SEMA6A: variants seen among roughly 807,000 people sequenced by gnomAD.
The protein encoded by SEMA6A is semaphorin 6A.
A neutral mutation model predicts 96.8 loss-of-function variants in SEMA6A; 25 were observed. That is an observed-to-expected ratio of 0.26 (90% CI 0.19 to 0.36). SEMA6A has a LOEUF of 0.36. SEMA6A is among the 10% of genes least tolerant of loss of function. The pLI, the probability that SEMA6A is intolerant of heterozygous loss-of-function variation, is 1.00. For missense variants in SEMA6A, 1,363 were observed against 1,323.1 expected (o/e 1.03, Z -0.47); for synonymous variants, 612 against 518.0 (o/e 1.18, Z -2.46).
At position 116,527,760 on chromosome 5, in the gene SEMA6A, CAGTT is replaced by C. The variant is rs375455841; in HGVS notation, c.-38-22782_-38-22779del. Among the ~76,000 whole-genome samples the C allele has an allele frequency of 4.2e-3, 639 of 152,226 alleles. 2 individuals are homozygous for C. The highest frequency in any genetic ancestry group is 7.3e-3 in the South Asian group (35 of 4,820). On this transcript the variant is annotated intron_variant, in intron 1 of 18. Transcript: ENST00000343348. ...AGTCAGAGTTAACAGTATAACGTGA[CAGTT>C]AGTAACGACTTTCAGTTAAAAGTCA... is the stretch of plus-strand genomic sequence containing the variant.
In SEMA6A at chr5:116,445,502, C is replaced by T. The variant is rs1754122090; in HGVS notation, c.*1111G>A. ...TGGTGCCTTCACAGAAAGTCAGAAC[C>T]ATGGACAAAACCATGTTGGCATCAA... On this transcript the variant is annotated 3_prime_UTR_variant, in exon 19 of 19. Transcript: ENST00000343348. 1 of 152,630 alleles carries T rather than the reference C, an allele frequency of 6.6e-6. No homozygotes were observed. The highest frequency in any genetic ancestry group is 2.1e-4 in the South Asian group (1 of 4,834). 9.5% of individuals were successfully genotyped at this position (152,630 alleles called of 1,614,324 possible).
chr5:116,447,290 G>C lies in SEMA6A; in HGVS notation c.2416C>G (p.Arg806Gly), dbSNP rs767361432. 5 of 1,613,630 alleles carry C rather than the reference G, an allele frequency of 3.1e-6. No individual in the cohort carries two copies. The highest frequency in any genetic ancestry group is 4.2e-6 in the Non-Finnish European group (5 of 1,179,908). The change falls in exon 19 of 19, where the codon CGG becomes GGG. Residue 806 changes from arginine (R) to glycine (G), a missense_variant. Coordinates refer to ENST00000343348, the MANE Select transcript of SEMA6A (RefSeq NM_020796.5). The part of the protein sequence containing the change: ...SPVIPTDLPL[R>G]ASPSHIPSVV... ...CTGGGGATGTGGCTGGGGGAGGCCC[G>C]CAGGGGCAGGTCCGTGGGAATCACA... is the stretch of plus-strand genomic sequence containing the variant.
At chr5:116,472,299 A>C (rs1756195377) in intron 17 of SEMA6A, 1 of 152,258 alleles carries the variant, frequency 6.6e-6, no homozygotes, top group Non-Finnish European at 1.5e-5. Flanking sequence ...TCCTGTTTGC[A>C]CATCATTTCC....
chr5:116,494,620 C>G (rs1355053140), intron 6 of SEMA6A, among the ~76,000 whole-genome samples: 1 of 152,146 alleles, frequency 6.6e-6, no homozygotes, highest in Non-Finnish European at 1.5e-5. Context: ...GGCAGCAACC[C>G]CATGAAATTG....
intron 18 of SEMA6A, among the ~76,000 whole-genome samples, chr5:116,459,827 C>A (rs1478647956): frequency 6.6e-6 from 1 of 152,096 alleles, no homozygotes; most frequent in African/African-American, 2.4e-5. Flanking sequence ...TGTAAGCTGT[C>A]TGAATATCAG....
At chr5:116,503,430 T>C (rs1757989084) in intron 2 of SEMA6A, among the ~76,000 whole-genome samples, 1 of 152,166 alleles carries the variant, frequency 6.6e-6, no homozygotes, top group South Asian at 2.1e-4. Context: ...AGGAGATTGC[T>C]AAAACAACTC....
At chr5:116,490,824 C>T (rs746759939) in intron 7 of SEMA6A, among the ~76,000 whole-genome samples, 1 of 152,204 alleles carries the variant, frequency 6.6e-6, no homozygotes, top group Admixed American at 6.5e-5. Context: ...TGCTTTATTA[C>T]AAGCTATAAG....
At chr5:116,547,782 C>T (rs12658254) in intron 1 of SEMA6A, among the ~76,000 whole-genome samples, 3 of 128,338 alleles carry the variant, frequency 2.3e-5, no homozygotes, top group East Asian at 5.1e-4. Flanking sequence ...CCTGAGTCAA[C>T]ACCCGTGAAT....
chr5:116,513,461 T>G (rs1205914311), intron 1 of SEMA6A, among the ~76,000 whole-genome samples: 1 of 152,146 alleles, frequency 6.6e-6, no homozygotes, highest in African/African-American at 2.4e-5. Context: ...TCTAAACCTT[T>G]AGTTTTAGAA....
At chr5:116,505,428 C>A (rs761703851) in intron 1 of SEMA6A, among the ~76,000 whole-genome samples, 2 of 149,730 alleles carry the variant, frequency 1.3e-5, no homozygotes, top group Non-Finnish European at 3.0e-5. Context: ...GGCACCACTT[C>A]CAACACACAG....
rs530338431 is a variant in SEMA6A, at chr5:116,560,861, G to GGTCC, written c.-39+13320_-39+13323dup. Reference sequence around the variant, plus strand: ...TATTTCACTGAGAAGTAGGAATTTAGGTCCCAGTTGCACTAAAGCCTCAGA... The same window carrying GGTCC: ...TATTTCACTGAGAAGTAGGAATTTAGGTCCGTCCCAGTTGCACTAAAGCCTCAGA... On this transcript the variant is annotated intron_variant, in intron 1 of 18. Transcript: ENST00000343348. Among the ~76,000 whole-genome samples, 1,368 of 152,224 alleles carry GGTCC rather than the reference G, an allele frequency of 9.0e-3. 13 individuals are homozygous for GGTCC. Among genetic ancestry groups the GGTCC allele is most frequent in the Non-Finnish European group, 0.014 (953 of 68,012 alleles).
chr5:116,536,896 C>CAAAAAAAAAAAAAAAAAAAAAAA (rs1344678482), intron 1 of SEMA6A, among the ~76,000 whole-genome samples: 41 of 80,104 alleles, frequency 5.1e-4, no homozygotes, highest in Admixed American at 7.8e-4. Flanking sequence ...AAAAAAAAAG[C>CAAAAAAAAAAAAAAAAAAAAAAA]AAAACTGGTG....
chr5:116,548,639 T>C (rs1404597303), intron 1 of SEMA6A, among the ~76,000 whole-genome samples: 1 of 152,220 alleles, frequency 6.6e-6, no homozygotes, highest in Non-Finnish European at 1.5e-5. Flanking sequence ...AAAAATCCCC[T>C]TTCCAATGGG....
At chr5:116,478,234 C>G in intron 13 of SEMA6A, 80 bp from the exon 14 acceptor site, 1 of 1,497,830 alleles carries the variant, frequency 6.7e-7, no homozygotes, top group Non-Finnish European at 9.1e-7. Context: ...CACTTCCCAG[C>G]CCACAAGGCA....
intron 10 of SEMA6A, among the ~76,000 whole-genome samples, chr5:116,483,697 A>G (rs1434751451): frequency 2.0e-5 from 3 of 152,246 alleles, no homozygotes; most frequent in Non-Finnish European, 4.4e-5. Flanking sequence ...TATTTAAAAT[A>G]AGGTGGCAAA....
chr5:116,573,279 T>G (rs1024594349), intron 1 of SEMA6A, among the ~76,000 whole-genome samples: 5 of 152,168 alleles, frequency 3.3e-5, no homozygotes, highest in African/African-American at 1.2e-4. Flanking sequence ...GGCCATCTTC[T>G]GCCAGGTCTC....
At chr5:116,535,486 A>G (rs1759666976) in intron 1 of SEMA6A, among the ~76,000 whole-genome samples, 1 of 152,170 alleles carries the variant, frequency 6.6e-6, no homozygotes, top group Non-Finnish European at 1.5e-5. Flanking sequence ...TAAGTATGTG[A>G]TCTTTGGAGT....
chr5:116,509,681 T>C lies in SEMA6A; in HGVS notation c.-38-4699A>G, dbSNP rs551209465. Among the ~76,000 whole-genome samples the C allele has an allele frequency of 7.2e-5, 11 of 151,958 alleles. No individual in the cohort carries two copies. In the South Asian group the frequency reaches 1.5e-3, roughly 20 times the overall value. ...GCCTGCCTCTGGGTCATGTAACACA[T>C]TCCAAAGCCAGGAACATCACCTGGA... is the stretch of plus-strand genomic sequence containing the variant. On this transcript the variant is annotated intron_variant, in intron 1 of 18. Transcript: ENST00000343348.
chr5:116,491,953 G>A, intron 6 of SEMA6A, 123 bp from the exon 7 acceptor site: 1 of 714,666 alleles, frequency 1.4e-6, no homozygotes, highest in Non-Finnish European at 2.5e-6. Context: ...GATGGACCCT[G>A]TTGAAGCCAC....
Sources: allele counts gnomAD v4.1 joint callset (sites outside exome capture counted in the v4.1 genomes callset), GRCh38; gene constraint gnomAD v4.1.1; transcripts MANE v1.5; gene names NCBI Gene and HGNC (gene_info 2026-07-23, HGNC 2026-07-21).